Variants in CEP76 observed in about 807,000 individuals in gnomAD.
CEP76 encodes centrosomal protein 76.
CEP76 carries 55 observed loss-of-function variants against 83.3 expected under a neutral mutation model. The ratio of observed to expected loss-of-function variants is 0.66; its 90% CI spans 0.53 to 0.83. The LOEUF is 0.83. Ranked by LOEUF, CEP76 falls within the 40% of genes least tolerant of loss-of-function variation. The pLI is 0.00. For missense variants in CEP76, 694 were observed against 799.5 expected, an observed-to-expected ratio of 0.87 and a Z score of 1.59; for synonymous variants, 270 against 274.5, an observed-to-expected ratio of 0.98 and a Z score of 0.16.
At chr18:12,690,479 G>A (rs547030067) in intron 7 of CEP76, among the ~76,000 whole-genome samples, 223 of 150,248 alleles carry the variant, frequency 1.5e-3, no homozygotes, top group Admixed American at 2.5e-3. Context: ...TTTTTGAGAC[G>A]GAGTCTTGCT....
Position 12,701,453 on chromosome 18 carries a change from G to A in CEP76, c.64-340C>T, listed in dbSNP as rs148028796. The stretch of plus-strand genomic sequence containing the variant: ...CATACTTTGATCTGCCTAATGATAA[G>A]GGAATCTTACCAGCTTTCAACTTAG... On this transcript the variant is annotated intron_variant, in intron 1 of 11. Transcript: ENST00000262127. 1.1e-3 allele frequency among the ~76,000 whole-genome samples: 169 copies of A among 152,200 alleles called. 1 individual carries two copies. The highest frequency in any genetic ancestry group is 6.8e-3 in the East Asian group (35 of 5,174).
rs147413628 is a variant in CEP76 at position 12,674,563 on chromosome 18, G to C, written c.1814C>G (p.Ala605Gly). The C allele has an allele frequency of 6.2e-7, 1 of 1,613,678 alleles. No homozygotes were observed. Among genetic ancestry groups the C allele is most frequent in the Non-Finnish European group, 8.5e-7 (1 of 1,179,760 alleles). ...AAGACATGTGGCAAATGCACGTCTTGCATTTCTATACACAAAATGTATTGG... is the reference window on the plus strand; with the variant it reads ...AAGACATGTGGCAAATGCACGTCTTCCATTTCTATACACAAAATGTATTGG... Reference protein sequence around the residue: ...GFPIHFVYRNARRAFATCLRS... With the variant: ...GFPIHFVYRNGRRAFATCLRS... The change falls in exon 11 of 12, where the codon GCA becomes GGA. Residue 605 changes from alanine (A) to glycine (G), a missense_variant. Transcript: ENST00000262127.
At chr18:12,676,289 T>G (rs1422813165) in intron 10 of CEP76, among the ~76,000 whole-genome samples, 1 of 147,488 alleles carries the variant, frequency 6.8e-6, no homozygotes, top group Admixed American at 6.8e-5. Flanking sequence ...CTTTTTTTTT[T>G]TTTTTTTTTT....
chr18:12,691,284 T>C lies in CEP76; in HGVS notation c.933+75A>G, dbSNP rs1227229623. 1.3e-5 allele frequency: 12 copies of C among 924,614 alleles called. 1 individual carries two copies. 57.3% of individuals were successfully genotyped at this position (924,614 alleles called of 1,614,324 possible). A position where few individuals can be genotyped will look rare whatever the true frequency, so the allele number is the denominator to read the frequency against. The stretch of plus-strand genomic sequence containing the variant: ...TTTTGGAATACATTTTACAAATAAA[T>C]ATTAAATGAAATTTACACACATAAC... On this transcript the variant is annotated intron_variant, in intron 7 of 11. Transcript: ENST00000262127.
At chr18:12,672,054 G>A (rs1419011815), downstream of CEP76, among the ~76,000 whole-genome samples, 2 of 150,846 alleles carry the variant, frequency 1.3e-5, no homozygotes, top group Non-Finnish European at 2.9e-5. Context: ...CCCTGACCTC[G>A]TGATCCACCC....
intron 7 of CEP76, among the ~76,000 whole-genome samples, chr18:12,688,180 G>A (rs529733468): frequency 1.2e-4 from 18 of 145,654 alleles, no homozygotes; most frequent in African/African-American, 3.1e-4. Context: ...GCAGTGAGCC[G>A]AGATCGTGCC....
rs370425822 is a variant in CEP76, at chr18:12,678,149, A to G, written c.1583T>C (p.Ile528Thr). The G allele has an allele frequency of 5.0e-6, 8 of 1,613,758 alleles. No individual in the cohort carries two copies. The highest frequency in any genetic ancestry group is 1.7e-5 in the Admixed American group (1 of 60,000). Residue 528 changes from isoleucine to threonine, a missense_variant, in exon 10 of 12, where the codon ATT becomes ACT. Ile to Thr is a moderately conservative substitution (Grantham distance 89). Coordinates refer to ENST00000262127, the MANE Select transcript of CEP76 (RefSeq NM_024899.4). ...TIDASVTSNEIEMQLRLLVSE... is the reference protein window; with the variant it reads ...TIDASVTSNETEMQLRLLVSE... ...CACCAGGAGCCTCAGCTGCATTTCA[A>G]TTTCATTACTTGTTACTGACGCGTC...
chr18:12,678,514 T>G, intron 9 of CEP76, 72 bp from the exon 10 acceptor site: 1 of 1,005,336 alleles, frequency 9.9e-7, no homozygotes, highest in East Asian at 2.6e-5. Context: ...GAGAAAATTA[T>G]TCTAACACTT....
rs752769881 is a variant in CEP76, at chr18:12,674,547, G to A, written c.1830C>T (p.Ala610=). Residue 610 remains alanine (A), a synonymous_variant, in exon 11 of 12, where the codon GCC becomes GCT. Coordinates refer to ENST00000262127, the MANE Select transcript of CEP76 (RefSeq NM_024899.4). ...AAATTACACCTTACCGAAGACATGT[G>A]GCAAATGCACGTCTTGCATTTCTAT... ...FVYRNARRAF[A]TCLRSPFCEE... 5 of 1,611,416 alleles carry A rather than the reference G, an allele frequency of 3.1e-6. No homozygotes were observed. In the African/African-American group the frequency reaches 5.3e-5, roughly 17 times the overall value.
In CEP76 at chr18:12,695,267, ACTT is replaced by A; in HGVS notation, c.788_790del (p.Glu263del). 1 of 1,503,328 alleles carries A rather than the reference ACTT, an allele frequency of 6.7e-7. No homozygotes were observed. The highest frequency in any genetic ancestry group is 9.2e-7 in the Non-Finnish European group (1 of 1,090,266). The allele number at this position is 1,503,328 out of a possible 1,614,324, so 93.1% of individuals were successfully genotyped here. A position where few individuals can be genotyped will look rare whatever the true frequency, so the allele number is the denominator to read the frequency against. On this transcript the variant is annotated inframe_deletion, in exon 6 of 12. Coordinates refer to ENST00000262127, the MANE Select transcript of CEP76 (RefSeq NM_024899.4). ...ATAAGTATTTACCTGTGTGTTCACT[ACTT>A]CTTGAGATAACGTTTGATTGAGTGG...
At chr18:12,680,917 G>A (rs1189947730) in intron 8 of CEP76, 89 bp from the exon 9 acceptor site, 8 of 1,222,644 alleles carry the variant, frequency 6.5e-6, no homozygotes, top group Non-Finnish European at 8.9e-6. Context: ...AAAATTTATT[G>A]GCTGGGCACA....
intron 8 of CEP76, chr18:12,685,315 T>A (rs2039504096): frequency 6.6e-6 from 1 of 152,126 alleles, no homozygotes; most frequent in Non-Finnish European, 1.5e-5. Flanking sequence ...TTCTCTTTTT[T>A]AAAGATGTAT....
chr18:12,695,852 C>CACACA (rs2039935665), intron 5 of CEP76, among the ~76,000 whole-genome samples: 1 of 148,390 alleles, frequency 6.7e-6, no homozygotes, highest in Non-Finnish European at 1.5e-5. Context: ...CATTCCTTCT[C>CACACA]CACACACACA....
At chr18:12,681,718 A>T (rs909347398) in intron 8 of CEP76, among the ~76,000 whole-genome samples, 10 of 152,224 alleles carry the variant, frequency 6.6e-5, no homozygotes, top group Non-Finnish European at 1.3e-4. Flanking sequence ...CAAGAACAAC[A>T]ACAAAATGCC....
chr18:12,672,942 T>C lies in CEP76; in HGVS notation c.*423A>G. The C allele has an allele frequency of 4.1e-6, 4 of 982,456 alleles. No individual in the cohort carries two copies. The highest frequency in any genetic ancestry group is 4.8e-6 in the Non-Finnish European group (4 of 827,046). The allele number at this position is 982,456 out of a possible 1,614,324, so 60.9% of individuals were successfully genotyped here. ...AAATAAATCTGTCATGAGGTTAATT[T>C]CTCCTAATCTGTATAAAATAATTCC... On this transcript the variant is annotated 3_prime_UTR_variant, in exon 12 of 12. Coordinates refer to ENST00000262127, the MANE Select transcript of CEP76 (RefSeq NM_024899.4).
intron 10 of CEP76, 58 bp from the exon 11 acceptor site, chr18:12,674,811 C>T (rs908935465): frequency 9.1e-7 from 1 of 1,094,276 alleles, no homozygotes; most frequent in Non-Finnish European, 1.3e-6. Flanking sequence ...TTAAAACCAA[C>T]TAAATAAAAA....
At chr18:12,671,783 GGTGT>G (rs2038953886), downstream of CEP76, among the ~76,000 whole-genome samples, 1 of 151,406 alleles carries the variant, frequency 6.6e-6, no homozygotes, top group South Asian at 2.1e-4. Context: ...TTGGATTATG[GGTGT>G]GTGACACCAT....
At position 12,691,524 on chromosome 18, in the gene CEP76, ATTATCT is replaced by A. The variant is rs746956074; in HGVS notation, c.805-43_805-38del. On this transcript the variant is annotated intron_variant, in intron 6 of 11. Transcript: ENST00000262127. Reference sequence around the variant, plus strand: ...AAAAAATATTTTTCAATTTCTATTCATTATCTTTAATTACTACAAAATATGTAGCAA... The same window carrying A: ...AAAAAATATTTTTCAATTTCTATTCATTAATTACTACAAAATATGTAGCAA... 5 of 1,440,580 alleles carry A rather than the reference ATTATCT, an allele frequency of 3.5e-6. No individual in the cohort carries two copies. The African/African-American group carries it at 7.1e-5, about 21-fold the overall frequency. 89.2% of individuals were successfully genotyped at this position (1,440,580 alleles called of 1,614,324 possible). A position where few individuals can be genotyped will look rare whatever the true frequency, so the allele number is the denominator to read the frequency against.
chr18:12,700,011 G>T, intron 2 of CEP76, 106 bp from the exon 3 acceptor site: 1 of 576,022 alleles, frequency 1.7e-6, no homozygotes, highest in Non-Finnish European at 2.9e-6. Context: ...AACAGGGTAA[G>T]GCCCTTTCAA....
Sources: allele counts gnomAD v4.1 joint callset (sites outside exome capture counted in the v4.1 genomes callset), GRCh38; gene constraint gnomAD v4.1.1; transcripts MANE v1.5; gene names NCBI Gene and HGNC (gene_info 2026-07-23, HGNC 2026-07-21).